EPCAM: variants seen among roughly 807,000 people sequenced by gnomAD.
The protein encoded by EPCAM is adenocarcinoma-associated antigen.
A neutral mutation model predicts 40.0 loss-of-function variants in EPCAM; 39 were observed. That is an observed-to-expected ratio of 0.98 (90% CI 0.76 to 1.27). The LOEUF (loss-of-function observed/expected upper bound fraction) is 1.27. Ranked by LOEUF, EPCAM falls within the 50% of genes most tolerant of loss-of-function variation. The pLI is 0.00. For missense variants in EPCAM, 503 were observed against 381.2 expected (o/e 1.32, Z -2.66); for synonymous variants, 168 against 132.3 (o/e 1.27, Z -1.85).
intron 4 of EPCAM, 64 bp from the exon 5 acceptor site, chr2:47,376,950 A>C: frequency 9.4e-7 from 1 of 1,062,116 alleles, no homozygotes; most frequent in Non-Finnish European, 1.5e-6. Flanking sequence ...CTTAAAGAGT[A>C]GTGCTTCTTA....
chr2:47,376,134 C>G (rs1221032367), intron 4 of EPCAM, among the ~76,000 whole-genome samples: 1 of 151,998 alleles, frequency 6.6e-6, no homozygotes, highest in Non-Finnish European at 1.5e-5. Flanking sequence ...TCTTTAGTCT[C>G]TTAATATCGA....
At chr2:47,384,997 C>G (rs899644536) in intron 7 of EPCAM, among the ~76,000 whole-genome samples, 169 bp from the exon 8 acceptor site, 1 of 152,106 alleles carries the variant, frequency 6.6e-6, no homozygotes, top group African/African-American at 2.4e-5. Context: ...ATGAGCCACT[C>G]CACTGGTGTG....
At position 47,369,443 on chromosome 2, in the gene EPCAM, G is replaced by A. The variant is rs945689704; in HGVS notation, c.-63G>A. 6.7e-6 allele frequency: 9 copies of A among 1,352,872 alleles called. No homozygotes were observed. The highest frequency in any genetic ancestry group is 8.6e-6 in the Non-Finnish European group (9 of 1,048,628). 83.8% of individuals were successfully genotyped at this position (1,352,872 alleles called of 1,614,324 possible). A position where few individuals can be genotyped will look rare whatever the true frequency, so the allele number is the denominator to read the frequency against. ...GGCCGGCTCCTCGTGTCCCACTCCC[G>A]GCGCACGCCCTCCCGCGAGTCCCGG... On this transcript the variant is annotated 5_prime_UTR_variant, in exon 1 of 9. Coordinates refer to ENST00000263735, the MANE Select transcript of EPCAM (RefSeq NM_002354.3).
rs539434065 is a variant in EPCAM at position 47,381,592 on chromosome 2, A to G, written c.858+1623A>G. ...TGTGTGAGGGTGGCATGTCCAGAGC[A>G]CAGTAGTAGGAAAGGCGTTGGGCAG... On this transcript the variant is annotated intron_variant, in intron 7 of 8. Transcript: ENST00000263735. 2.0e-5 allele frequency among the ~76,000 whole-genome samples: 3 copies of G among 152,238 alleles called. No individual in the cohort carries two copies. The South Asian group carries it at 6.2e-4, about 32-fold the overall frequency.
chr2:47,385,921 T>C (rs550949578), intron 8 of EPCAM, among the ~76,000 whole-genome samples: 52 of 152,166 alleles, frequency 3.4e-4, no homozygotes, highest in Non-Finnish European at 6.9e-4. Context: ...TAACCCTGAA[T>C]TGAATGGTAA....
chr2:47,372,544 C>T (rs61665306), intron 1 of EPCAM, among the ~76,000 whole-genome samples: 3,247 of 151,984 alleles, frequency 0.021, 108 homozygotes, highest in African/African-American at 0.073. Context: ...TAGGCCGAGG[C>T]GGACGGATCA....
At position 47,379,860 on chromosome 2, in the gene EPCAM, A is replaced by C; in HGVS notation, c.749A>C (p.Tyr250Ser). ...LDLDPGQTLI[Y>S]YVDEKAPEFS... The stretch of plus-strand genomic sequence containing the variant: ...CTGGATCCTGGTCAAACTTTAATTT[A>C]TTATGTTGATGAAAAAGCACCTGAA... The change falls in exon 7 of 9, where the codon TAT becomes TCT. Residue 250 changes from tyrosine (Y) to serine (S), a missense_variant. Coordinates refer to ENST00000263735, the MANE Select transcript of EPCAM (RefSeq NM_002354.3). 1 of 1,614,152 alleles carries C rather than the reference A, an allele frequency of 6.2e-7. No homozygotes were observed. The highest frequency in any genetic ancestry group is 8.5e-7 in the Non-Finnish European group (1 of 1,180,030).
At chr2:47,370,628 A>T (rs138784067) in intron 1 of EPCAM, among the ~76,000 whole-genome samples, 1 of 152,164 alleles carries the variant, frequency 6.6e-6, no homozygotes, top group Non-Finnish European at 1.5e-5. Flanking sequence ...GCTGGAGTGC[A>T]ATGGCAAGAT....
rs950357552 is a variant in EPCAM, at chr2:47,385,798, C to T, written c.903+588C>T. On this transcript the variant is annotated intron_variant, in intron 8 of 8. Transcript: ENST00000263735. ...TTTTAGCAAGTAATAAAAATAGAAA[C>T]GTAAAGGAATATTGGAAAAAGTCTA... 5.9e-5 allele frequency among the ~76,000 whole-genome samples: 9 copies of T among 152,162 alleles called. No homozygotes were observed. In the South Asian group the frequency reaches 6.2e-4, roughly 11 times the overall value.
chr2:47,385,701 C>G (rs1340291312), intron 8 of EPCAM, among the ~76,000 whole-genome samples: 1 of 143,584 alleles, frequency 7.0e-6, no homozygotes, highest in Admixed American at 7.0e-5. Context: ...TCCTTGAACC[C>G]TATCAATAAC....
At position 47,378,980 on chromosome 2, in the gene EPCAM, C is replaced by G. The variant is rs770760223; in HGVS notation, c.583C>G (p.Leu195Val). 4 of 1,585,236 alleles carry G rather than the reference C, an allele frequency of 2.5e-6. No individual in the cohort carries two copies. Among genetic ancestry groups the G allele is most frequent in the Admixed American group, 3.3e-5 (2 of 59,940 alleles). The stretch of plus-strand genomic sequence containing the variant: ...TGAGAATAATGTTATCACTATTGAT[C>G]TGGTTCAAAATTCTTCTCAAAAAAC... ...LYENNVITID[L>V]VQNSSQKTQN... The change falls in exon 6 of 9, where the codon CTG becomes GTG. Residue 195 changes from leucine to valine, a missense_variant. Coordinates refer to ENST00000263735, the MANE Select transcript of EPCAM (RefSeq NM_002354.3).
intron 4 of EPCAM, among the ~76,000 whole-genome samples, chr2:47,376,254 CTT>C (rs57201109): frequency 3.0e-4 from 38 of 128,270 alleles, no homozygotes; most frequent in Admixed American, 7.1e-4. Flanking sequence ...ATATTTCCTC[CTT>C]TTTTTTTTTT....
chr2:47,376,975 A>C, intron 4 of EPCAM, 39 bp from the exon 5 acceptor site: 1 of 1,405,368 alleles, frequency 7.1e-7, no homozygotes, highest in Non-Finnish European at 1.0e-6. Flanking sequence ...TGTGTGGTAC[A>C]AACATTTTTT....
intron 5 of EPCAM, among the ~76,000 whole-genome samples, chr2:47,378,294 CTTTTCT>C (rs1294759679): frequency 4.9e-4 from 69 of 141,300 alleles, no homozygotes; most frequent in African/African-American, 1.8e-3. Context: ...ATTTCTTTTT[CTTTTCT>C]TTTTTTTTTT....
Position 47,373,981 on chromosome 2 carries a change from A to G in EPCAM, c.358A>G (p.Asn120Asp), listed in dbSNP as rs2103747756. 6.2e-7 allele frequency: 1 copy of G among 1,614,166 alleles called. No individual in the cohort carries two copies. Among genetic ancestry groups the G allele is most frequent in the South Asian group, 1.1e-5 (1 of 91,076 alleles). Reference sequence around the variant, plus strand: ...CGGCACCTCCATGTGCTGGTGTGTGAACACTGCTGGGGTCAGAAGAACAGA... The same window carrying G: ...CGGCACCTCCATGTGCTGGTGTGTGGACACTGCTGGGGTCAGAAGAACAGA... ...CNGTSMCWCV[N>D]TAGVRRTDKD... The change falls in exon 3 of 9, where the codon AAC becomes GAC. Residue 120 changes from asparagine (N) to aspartate (D), a missense_variant. Physicochemically the swap from Asn to Asp is conservative, Grantham distance 23 (BLOSUM62 1). Transcript: ENST00000263735.
chr2:47,379,224 T>C (rs1017124905), intron 6 of EPCAM, among the ~76,000 whole-genome samples, 170 bp downstream of exon 6: 2 of 152,222 alleles, frequency 1.3e-5, no homozygotes, highest in Non-Finnish European at 2.9e-5. Flanking sequence ...TGTTTGTATA[T>C]TTATGCCTCT....
At chr2:47,370,889 T>A (rs1325301447) in intron 1 of EPCAM, among the ~76,000 whole-genome samples, 2 of 152,078 alleles carry the variant, frequency 1.3e-5, no homozygotes, top group Non-Finnish European at 2.9e-5. Flanking sequence ...CTAATTTGTA[T>A]TTTTTGTAGA....
At chr2:47,375,726 G>A (rs929951541) in intron 4 of EPCAM, among the ~76,000 whole-genome samples, 3 of 122,894 alleles carry the variant, frequency 2.4e-5, no homozygotes, top group South Asian at 2.5e-4. Context: ...TTTTTTTTTA[G>A]ACGGAGTCTC....
At chr2:47,381,044 C>G (rs924916348) in intron 7 of EPCAM, among the ~76,000 whole-genome samples, 1 of 127,050 alleles carries the variant, frequency 7.9e-6, no homozygotes, top group Non-Finnish European at 1.6e-5. Flanking sequence ...CAAGATCATG[C>G]CACTGCACTC....
Sources: allele counts gnomAD v4.1 joint callset (sites outside exome capture counted in the v4.1 genomes callset), GRCh38; gene constraint gnomAD v4.1.1; transcripts MANE v1.5; gene names NCBI Gene and HGNC (gene_info 2026-07-23, HGNC 2026-07-21).